SHC4: variants seen among roughly 807,000 people sequenced by gnomAD.
SHC4 encodes SHC adaptor protein 4, also known as SHC-transforming protein 4.
A neutral mutation model predicts 69.4 loss-of-function variants in SHC4; 41 were observed. The observed-to-expected ratio is 0.59, with a 90% CI of 0.46 to 0.77. The LOEUF (loss-of-function observed/expected upper bound fraction) is 0.77, where lower values mean the gene tolerates loss of function less well. Among genes scored for constraint, SHC4 ranks in the 30% least tolerant of loss-of-function variants. The pLI is 0.00. For synonymous variants in SHC4, 318 were observed against 299.3 expected, an observed-to-expected ratio of 1.06 and a Z score of -0.64; for missense variants, 777 against 783.8, an observed-to-expected ratio of 0.99 and a Z score of 0.10.
intron 2 of SHC4, among the ~76,000 whole-genome samples, chr15:48,896,562 C>G (rs1900224963): frequency 6.6e-6 from 1 of 152,150 alleles, no homozygotes; most frequent in Admixed American, 6.5e-5. Flanking sequence ...CTCAGGTGAT[C>G]TGCCCGCCTG....
At chr15:48,909,229 A>G (rs1360392169) in intron 2 of SHC4, among the ~76,000 whole-genome samples, 1 of 149,702 alleles carries the variant, frequency 6.7e-6, no homozygotes, top group African/African-American at 2.5e-5. Flanking sequence ...TTCTTTCAGC[A>G]TTGTTTTGTA....
intron 2 of SHC4, among the ~76,000 whole-genome samples, chr15:48,921,898 G>T (rs1011416644): frequency 1.3e-5 from 2 of 152,112 alleles, no homozygotes; most frequent in African/African-American, 4.8e-5. Flanking sequence ...CAGATTTTGT[G>T]TAAAATTCTT....
chr15:48,880,463 G>C (rs1276039719), intron 4 of SHC4, among the ~76,000 whole-genome samples: 1 of 152,082 alleles, frequency 6.6e-6, no homozygotes, highest in South Asian at 2.1e-4. Context: ...CAATAAACTG[G>C]CTGGTTGTAT....
At chr15:48,886,309 C>T (rs929350119) in intron 3 of SHC4, among the ~76,000 whole-genome samples, 3 of 152,062 alleles carry the variant, frequency 2.0e-5, no homozygotes, top group African/African-American at 4.8e-5. Context: ...AACACTGTCT[C>T]ACAGTCGAAA....
intron 2 of SHC4, among the ~76,000 whole-genome samples, chr15:48,909,924 A>T (rs12437761): frequency 0.14 from 21,847 of 152,026 alleles, 1,626 homozygotes; most frequent in East Asian, 0.18. Context: ...ATGGTGGATT[A>T]TCTTTTTTGA....
intron 10 of SHC4, among the ~76,000 whole-genome samples, chr15:48,836,527 C>T (rs1035633700): frequency 6.6e-6 from 1 of 152,016 alleles, no homozygotes; most frequent in Non-Finnish European, 1.5e-5. Context: ...GGAAAATAAC[C>T]ATAGAAACTA....
At chr15:48,915,477 A>T (rs2141019213) in intron 2 of SHC4, among the ~76,000 whole-genome samples, 1 of 152,346 alleles carries the variant, frequency 6.6e-6, no homozygotes, top group African/African-American at 2.4e-5. Context: ...AAACTAAAAG[A>T]GGTGGTCACT....
At chr15:48,956,970 C>CTTTTTTTTTTTTTTTTTTTTTTTTTTTT (rs1234585427) in intron 1 of SHC4, among the ~76,000 whole-genome samples, 2 of 70,166 alleles carry the variant, frequency 2.9e-5, no homozygotes, top group Non-Finnish European at 5.2e-5. Context: ...TTCTTTCTTT[C>CTTTTTTTTTTTTTTTTTTTTTTTTTTTT]TTTCTTTTTT....
intron 2 of SHC4, among the ~76,000 whole-genome samples, chr15:48,903,870 A>T (rs1038028766): frequency 6.6e-6 from 1 of 152,078 alleles, no homozygotes; most frequent in Non-Finnish European, 1.5e-5. Flanking sequence ...AGCTCAAGTG[A>T]TCCTCCCATC....
intron 2 of SHC4, among the ~76,000 whole-genome samples, chr15:48,902,060 G>C (rs1337845835): frequency 6.6e-6 from 1 of 152,056 alleles, no homozygotes; most frequent in Non-Finnish European, 1.5e-5. Context: ...AAGTTAGCCA[G>C]GTGTGTTTGC....
intron 2 of SHC4, among the ~76,000 whole-genome samples, chr15:48,897,474 C>T (rs1900243079): frequency 6.6e-6 from 1 of 151,884 alleles, no homozygotes; most frequent in South Asian, 2.1e-4. Flanking sequence ...GTTTTTAACC[C>T]TTAAACAGTT....
chr15:48,920,181 A>ATTT (rs11390740), intron 2 of SHC4, among the ~76,000 whole-genome samples: 122 of 146,232 alleles, frequency 8.3e-4, no homozygotes, highest in African/African-American at 2.6e-3. Flanking sequence ...CGCCTGGCTA[A>ATTT]TTTTTTTTTT....
chr15:48,833,187 AC>A (rs1304030948), intron 11 of SHC4, among the ~76,000 whole-genome samples: 1 of 152,116 alleles, frequency 6.6e-6, no homozygotes, highest in African/African-American at 2.4e-5. Context: ...GAAGAATCAC[AC>A]CAACCAGCCC....
intron 3 of SHC4, among the ~76,000 whole-genome samples, chr15:48,884,825 T>C (rs1045768003): frequency 6.6e-6 from 1 of 152,212 alleles, no homozygotes; most frequent in African/African-American, 2.4e-5. Context: ...TCCCTCATCT[T>C]TCCCTTCCCA....
At chr15:48,857,664 T>C (rs1259052648) in intron 7 of SHC4, 28 bp downstream of exon 7, 1 of 1,571,010 alleles carries the variant, frequency 6.4e-7, no homozygotes, top group African/African-American at 1.4e-5. Context: ...ATATATATTG[T>C]CAAATTATTA....
chr15:48,909,761 T>TA (rs1900474039), intron 2 of SHC4, among the ~76,000 whole-genome samples: 1 of 152,232 alleles, frequency 6.6e-6, no homozygotes, highest in South Asian at 2.1e-4. Context: ...GTTTTAATGA[T>TA]AAAGCGTTGC....
intron 1 of SHC4, among the ~76,000 whole-genome samples, chr15:48,954,841 C>G (rs2141041340): frequency 6.6e-6 from 1 of 152,328 alleles, no homozygotes; most frequent in South Asian, 2.1e-4. Context: ...GAGACAGGCT[C>G]TGTGCTAAGC....
At chr15:48,925,573 G>A (rs1045943678) in intron 1 of SHC4, among the ~76,000 whole-genome samples, 3 of 152,118 alleles carry the variant, frequency 2.0e-5, no homozygotes, top group Non-Finnish European at 1.5e-5. Context: ...ATATTAAGGG[G>A]GTTCTTGACA....
At chr15:48,855,290 G>GATACAGA in intron 8 of SHC4, among the ~76,000 whole-genome samples, 1 of 152,210 alleles carries the variant, frequency 6.6e-6, no homozygotes, top group South Asian at 2.1e-4. Flanking sequence ...ATTATAAAGA[G>GATACAGA]ATACAGAATA....
Sources: allele counts gnomAD v4.1 joint callset (sites outside exome capture counted in the v4.1 genomes callset), GRCh38; gene constraint gnomAD v4.1.1; transcripts MANE v1.5; gene names NCBI Gene and HGNC (gene_info 2026-07-23, HGNC 2026-07-21).